TRIM55: variants seen among roughly 807,000 people sequenced by gnomAD.
The protein encoded by TRIM55 is tripartite motif-containing protein 55.
A neutral mutation model predicts 60.9 loss-of-function variants in TRIM55; 50 were observed. The observed-to-expected ratio is 0.82, with a 90% CI of 0.65 to 1.04. The LOEUF is 1.04. Ranked by LOEUF, TRIM55 falls within the 50% of genes least tolerant of loss-of-function variation. The pLI is 0.00. For missense variants in TRIM55, 681 were observed against 666.9 expected, an observed-to-expected ratio of 1.02 and a Z score of -0.23; for synonymous variants, 237 against 238.1, an observed-to-expected ratio of 1.00 and a Z score of 0.04.
At chr8:66,162,307 G>A (rs1811097743) in intron 9 of TRIM55, among the ~76,000 whole-genome samples, 1 of 152,044 alleles carries the variant, frequency 6.6e-6, no homozygotes, top group African/African-American at 2.4e-5. Context: ...TTCTGTTTAT[G>A]TGGCATATCA....
chr8:66,126,944 G>A (rs1031847299), upstream of TRIM55: 17 of 216,844 alleles, frequency 7.8e-5, no homozygotes, highest in Admixed American at 1.7e-4. Context: ...TCACAACCCC[G>A]TCTAAATGGG....
In TRIM55 at chr8:66,174,503, G is replaced by A. The variant is rs762038843; in HGVS notation, c.1557G>A (p.Gln519=). The A allele has an allele frequency of 3.1e-5, 50 of 1,612,434 alleles. No individual in the cohort carries two copies. The highest frequency in any genetic ancestry group is 4.5e-5 in the East Asian group (2 of 44,742). The change falls in exon 10 of 10, where the codon CAG becomes CAA. Residue 519 remains glutamine (Q), a synonymous_variant. Coordinates refer to ENST00000315962, the MANE Select transcript of TRIM55 (RefSeq NM_184085.2). ...TTGAGGCTCCTCCCCTCCAGGGACA[G>A]GCTGCAGCTCCAGCGAGTGGCAGTG... ...IGFEAPPLQG[Q]AAAPASGSGA...
At chr8:66,152,651 T>C in intron 8 of TRIM55, 24 bp downstream of exon 8, 3 of 1,608,888 alleles carry the variant, frequency 1.9e-6, no homozygotes, top group Non-Finnish European at 2.5e-6. Context: ...AGTCTCTTTC[T>C]ACAGGGCACA....
intron 4 of TRIM55, among the ~76,000 whole-genome samples, chr8:66,148,434 A>G (rs1810223774): frequency 6.6e-6 from 1 of 152,228 alleles, no homozygotes; most frequent in Admixed American, 6.5e-5. Context: ...TATCAATGGT[A>G]ACTATTATGA....
At chr8:66,117,889 G>A in the TRIM55 span, among the ~76,000 whole-genome samples, 1,191 of 152,056 alleles carry the variant, frequency 7.8e-3, 16 homozygotes, top group African/African-American at 0.027. Context: ...AGAGGAGGCC[G>A]GGCACGGTGG....
chr8:66,156,224 G>T (rs1285928218), intron 9 of TRIM55, among the ~76,000 whole-genome samples: 1 of 152,186 alleles, frequency 6.6e-6, no homozygotes, highest in East Asian at 1.9e-4. Context: ...GAGCAGGTGG[G>T]TTCTCTTTGA....
chr8:66,145,454 T>C (rs143600724), intron 4 of TRIM55, among the ~76,000 whole-genome samples: 109 of 152,296 alleles, frequency 7.2e-4, no homozygotes, highest in African/African-American at 2.5e-3. Flanking sequence ...ATATAATGAT[T>C]TTATATTTAT....
At chr8:66,151,847 A>AAGT in intron 7 of TRIM55, among the ~76,000 whole-genome samples, 1 of 127,088 alleles carries the variant, frequency 7.9e-6, no homozygotes, top group African/African-American at 2.6e-5. Context: ...CTGTCTCAAA[A>AAGT]AATAATAAAT....
chr8:66,117,265 T>G, the TRIM55 span, among the ~76,000 whole-genome samples: 1 of 152,358 alleles, frequency 6.6e-6, no homozygotes, highest in African/African-American at 2.4e-5. Flanking sequence ...AGTTTTCAGC[T>G]CTTGCCAGGG....
At chr8:66,167,741 C>G (rs866794141) in intron 9 of TRIM55, among the ~76,000 whole-genome samples, 3 of 151,982 alleles carry the variant, frequency 2.0e-5, no homozygotes, top group South Asian at 2.1e-4. Flanking sequence ...TGAATCCTCC[C>G]AAGAAAAAAT....
chr8:66,122,082 G>A (rs1346032402), upstream of TRIM55, among the ~76,000 whole-genome samples: 1 of 152,182 alleles, frequency 6.6e-6, no homozygotes, highest in Non-Finnish European at 1.5e-5. Flanking sequence ...TCTGAGAGCA[G>A]GGAGGAGCAA....
intron 4 of TRIM55, among the ~76,000 whole-genome samples, chr8:66,148,113 C>T (rs1810205762): frequency 6.6e-6 from 1 of 152,116 alleles, no homozygotes; most frequent in African/African-American, 2.4e-5. Context: ...AACCTGCTCT[C>T]AGCTATAAAG....
the TRIM55 span, chr8:66,114,837 T>C: frequency 3.0e-6 from 1 of 328,432 alleles, no homozygotes; most frequent in East Asian, 7.7e-5. Context: ...TGTAATGTCA[T>C]TGTCCTCCTG....
chr8:66,133,397 CAAA>C (rs761348104), intron 2 of TRIM55, among the ~76,000 whole-genome samples: 1 of 132,838 alleles, frequency 7.5e-6, no homozygotes. Context: ...GGAGATGCAG[CAAA>C]AAAAAAAAAA....
intron 7 of TRIM55, chr8:66,152,157 G>C (rs925389977): frequency 8.4e-6 from 5 of 594,864 alleles, no homozygotes; most frequent in Non-Finnish European, 1.2e-5. Flanking sequence ...TACTGGGGAG[G>C]AGAACAAGGA....
At chr8:66,127,493 G>A in intron 1 of TRIM55, 57 bp downstream of exon 1, 3 of 1,580,526 alleles carry the variant, frequency 1.9e-6, no homozygotes, top group Non-Finnish European at 2.6e-6. Flanking sequence ...CCCTCCTCTT[G>A]GAATCAAGTG....
chr8:66,150,427 A>G lies in TRIM55; in HGVS notation c.946A>G (p.Arg316Gly). Residue 316 changes from arginine (R) to glycine (G), a missense_variant, in exon 7 of 10, where the codon AGA becomes GGA. Transcript: ENST00000315962. ...NMNHFTVNLNREEKIIREIDF... is the reference protein window; with the variant it reads ...NMNHFTVNLNGEEKIIREIDF... ...GAACCACTTCACAGTCAACCTCAAT[A>G]GAGAAGAAAAGATAATACGTGAAAT... 1 of 1,614,206 alleles carries G rather than the reference A, an allele frequency of 6.2e-7. No individual in the cohort carries two copies. The highest frequency in any genetic ancestry group is 1.7e-5 in the Admixed American group (1 of 60,026).
chr8:66,161,759 T>TC (rs1393869311), intron 9 of TRIM55, among the ~76,000 whole-genome samples: 3 of 151,498 alleles, frequency 2.0e-5, no homozygotes, highest in Non-Finnish European at 3.0e-5. Flanking sequence ...CCTAAGGTTT[T>TC]TTTTTTTTTT....
intron 9 of TRIM55, among the ~76,000 whole-genome samples, chr8:66,154,944 ACT>A (rs1259448977): frequency 2.0e-5 from 3 of 151,784 alleles, no homozygotes; most frequent in African/African-American, 7.3e-5. Context: ...TTTTCAAGAG[ACT>A]CTTTCTTTAT....
Sources: gnomAD v4.1 joint callset for allele counts (sites outside exome capture counted in the v4.1 genomes callset) on GRCh38, gnomAD v4.1.1 for gene constraint, MANE v1.5 for transcripts, NCBI Gene and HGNC (gene_info 2026-07-23, HGNC 2026-07-21) for gene names.